ARHGAP6: variants seen among roughly 807,000 people sequenced by gnomAD.
The protein encoded by ARHGAP6 is Rho GTPase activating protein 6, also known as rho GTPase-activating protein 6.
ARHGAP6 carries 16 observed loss-of-function variants against 55.7 expected under a neutral mutation model. The ratio of observed to expected loss-of-function variants is 0.29; its 90% confidence interval spans 0.19 to 0.44. ARHGAP6 has a LOEUF of 0.44. ARHGAP6 is among the 20% of genes least tolerant of loss of function. The probability of loss-of-function intolerance (pLI) is 1.00; values close to 1 mark genes in which losing one functional copy is unlikely to be tolerated. For synonymous variants in ARHGAP6, 382 were observed against 360.9 expected (o/e 1.06, Z -0.66); for missense variants, 698 against 808.9 (o/e 0.86, Z 1.66).
At chrX:11,510,191 T>A (rs1171646857) in intron 1 of ARHGAP6, among the ~76,000 whole-genome samples, 2 of 111,773 alleles carry the variant, frequency 1.8e-5, no homozygotes, top group African/African-American at 6.5e-5. Flanking sequence ...TAGGAAGTTA[T>A]CCCCTCCAGA....
At chrX:11,471,230 T>C (rs2068166969) in intron 1 of ARHGAP6, among the ~76,000 whole-genome samples, 1 of 111,929 alleles carries the variant, frequency 8.9e-6, no homozygotes, top group African/African-American at 3.2e-5. Flanking sequence ...AAGAATGTAG[T>C]AATTATAAAG....
intron 1 of ARHGAP6, among the ~76,000 whole-genome samples, chrX:11,303,632 C>T (rs2048198660): frequency 8.9e-6 from 1 of 112,021 alleles, no homozygotes; most frequent in Admixed American, 9.5e-5. Flanking sequence ...TTCCTCCAAA[C>T]AGCCAAATTT....
chrX:11,246,216 T>C (rs2047350634), intron 2 of ARHGAP6, among the ~76,000 whole-genome samples: 1 of 111,275 alleles, frequency 9.0e-6, no homozygotes, highest in Non-Finnish European at 1.9e-5. Context: ...ATGATGATGA[T>C]GATGATGGTG....
chrX:11,277,648 TAC>T (rs2047793142), intron 1 of ARHGAP6, among the ~76,000 whole-genome samples: 1 of 110,960 alleles, frequency 9.0e-6, no homozygotes, highest in Non-Finnish European at 1.9e-5. Flanking sequence ...TTTTGCTTTT[TAC>T]AGTCTGATGA....
At chrX:11,638,835 T>C (rs2052444175) in intron 1 of ARHGAP6, among the ~76,000 whole-genome samples, 1 of 112,181 alleles carries the variant, frequency 8.9e-6, no homozygotes, top group African/African-American at 3.2e-5. Flanking sequence ...GTGTATTCAC[T>C]AGTAAAAGTG....
chrX:11,566,004 T>G (rs2051437258), intron 1 of ARHGAP6, among the ~76,000 whole-genome samples: 1 of 112,358 alleles, frequency 8.9e-6, no homozygotes, highest in African/African-American at 3.2e-5. Context: ...CAGCATCCAC[T>G]AAAATTCAAA....
At chrX:11,278,312 C>A (rs1351602005) in intron 1 of ARHGAP6, among the ~76,000 whole-genome samples, 1 of 111,536 alleles carries the variant, frequency 9.0e-6, no homozygotes, top group Non-Finnish European at 1.9e-5. Flanking sequence ...CGTAACCACA[C>A]AGGCCCTTAA....
chrX:11,312,093 A>G (rs751092907), intron 1 of ARHGAP6, among the ~76,000 whole-genome samples: 6 of 111,955 alleles, frequency 5.4e-5, no homozygotes, highest in African/African-American at 1.6e-4. Flanking sequence ...TAAATAAATG[A>G]TTTTCTATAT....
At chrX:11,216,605 A>G (rs747426358) in intron 2 of ARHGAP6, among the ~76,000 whole-genome samples, 1 of 112,689 alleles carries the variant, frequency 8.9e-6, no homozygotes, top group South Asian at 3.7e-4. Context: ...GCTTTGGATC[A>G]TATAATCACT....
intron 1 of ARHGAP6, among the ~76,000 whole-genome samples, chrX:11,256,049 C>A (rs1438461502): frequency 1.8e-5 from 2 of 110,942 alleles, no homozygotes; most frequent in Non-Finnish European, 3.8e-5. Flanking sequence ...GGACTCATTG[C>A]AATAAATGGA....
intron 1 of ARHGAP6, among the ~76,000 whole-genome samples, chrX:11,265,192 T>C (rs1351836162): frequency 8.9e-6 from 1 of 112,106 alleles, no homozygotes; most frequent in Non-Finnish European, 1.9e-5. Flanking sequence ...AGCCAGACAG[T>C]GTTTAAAAAT....
intron 10 of ARHGAP6, among the ~76,000 whole-genome samples, chrX:11,151,802 G>C (rs1303734884): frequency 8.9e-6 from 1 of 111,899 alleles, no homozygotes; most frequent in Admixed American, 9.5e-5. Flanking sequence ...GTTTCCACTT[G>C]GCCTCACAGG....
In ARHGAP6 at chrX:11,617,920, C is replaced by T. The variant is rs73500445; in HGVS notation, c.588+46321G>A. Among the ~76,000 whole-genome samples, 93 of 111,509 alleles carry T rather than the reference C, an allele frequency of 8.3e-4. 1 individual carries two copies. Among genetic ancestry groups the T allele is most frequent in the African/African-American group, 2.9e-3 (90 of 30,706 alleles). On this transcript the variant is annotated intron_variant, in intron 1 of 12. Coordinates refer to ENST00000337414, the MANE Select transcript of ARHGAP6 (RefSeq NM_013427.3). Reference sequence around the variant, plus strand: ...GACCCCATTTCTCAAAACATTTGCTCCCCTTATCTATTTCTGTTCCTGCCA... The same window carrying T: ...GACCCCATTTCTCAAAACATTTGCTTCCCTTATCTATTTCTGTTCCTGCCA...
At chrX:11,368,290 C>T (rs1341463206) in intron 1 of ARHGAP6, among the ~76,000 whole-genome samples, 1 of 112,281 alleles carries the variant, frequency 8.9e-6, no homozygotes, top group Non-Finnish European at 1.9e-5. Flanking sequence ...ATGGAAGATG[C>T]ACACATTGTA....
chrX:11,524,625 G>C (rs1246108026), intron 1 of ARHGAP6, among the ~76,000 whole-genome samples: 1 of 111,257 alleles, frequency 9.0e-6, no homozygotes, highest in Non-Finnish European at 1.9e-5. Context: ...GTCTTTGGGG[G>C]ACCGTTCTGT....
chrX:11,143,747 T>C, intron 11 of ARHGAP6: 1 of 1,119,187 alleles, frequency 8.9e-7, no homozygotes. Flanking sequence ...CCCAGATATC[T>C]GAGACTTGGA....
intron 1 of ARHGAP6, among the ~76,000 whole-genome samples, chrX:11,474,554 A>G (rs2050383997): frequency 8.9e-6 from 1 of 112,368 alleles, no homozygotes; most frequent in South Asian, 3.7e-4. Flanking sequence ...CATACAGAAG[A>G]ATAAAAATAT....
intron 1 of ARHGAP6, among the ~76,000 whole-genome samples, chrX:11,400,487 T>C (rs2147751300): frequency 9.2e-6 from 1 of 108,944 alleles, no homozygotes; most frequent in East Asian, 2.9e-4. Flanking sequence ...ATATTGTCAA[T>C]GAACGTGCCC....
At chrX:11,169,459 C>T (rs1418559848) in intron 9 of ARHGAP6, 46 bp downstream of exon 9, 3 of 1,135,645 alleles carry the variant, frequency 2.6e-6, no homozygotes, top group Admixed American at 5.1e-5. Flanking sequence ...CAGAGGAAAC[C>T]AATAGGCAGT....
Sources: gnomAD v4.1 joint callset for allele counts (sites outside exome capture counted in the v4.1 genomes callset) on GRCh38, gnomAD v4.1.1 for gene constraint, MANE v1.5 for transcripts, NCBI Gene and HGNC (gene_info 2026-07-23, HGNC 2026-07-21) for gene names.